Variants in SYT6 observed in about 807,000 individuals in gnomAD.
SYT6 encodes synaptotagmin-6.
SYT6 carries 24 observed loss-of-function variants against 38.4 expected under a neutral mutation model. The ratio of observed to expected loss-of-function variants is 0.62; its 90% CI spans 0.45 to 0.88. SYT6 has a LOEUF of 0.88. SYT6 is among the 40% of genes least tolerant of loss of function. The pLI is 0.00. For synonymous variants in SYT6, 265 were observed against 241.9 expected (o/e 1.10, Z -0.89); for missense variants, 611 against 621.0 (o/e 0.98, Z 0.17).
intron 1 of SYT6, among the ~76,000 whole-genome samples, chr1:114,140,252 G>A (rs1357373542): frequency 6.6e-6 from 1 of 151,654 alleles, no homozygotes; most frequent in Non-Finnish European, 1.5e-5. Context: ...GGAGCACCTG[G>A]GCTGTCCTCT....
chr1:114,140,871 A>G (rs1049403920), intron 1 of SYT6, among the ~76,000 whole-genome samples: 3 of 152,124 alleles, frequency 2.0e-5, no homozygotes, highest in Admixed American at 1.3e-4. Flanking sequence ...TTAAATTACT[A>G]TTATGGTTGT....
intron 3 of SYT6, 110 bp from the exon 4 acceptor site, chr1:114,103,831 C>T (rs776468639): frequency 5.3e-5 from 74 of 1,393,792 alleles, no homozygotes; most frequent in Non-Finnish European, 6.5e-5. Context: ...CTCTTGGAGA[C>T]ACTGTGCTGT....
chr1:114,152,817 G>C (rs1679515309), intron 1 of SYT6: 1 of 152,228 alleles, frequency 6.6e-6, no homozygotes, highest in Admixed American at 6.5e-5. Flanking sequence ...CTAGGCAGCC[G>C]CCTGGGGCTG....
At chr1:114,122,755 C>T (rs181398736) in intron 3 of SYT6, among the ~76,000 whole-genome samples, 2 of 152,322 alleles carry the variant, frequency 1.3e-5, no homozygotes, top group Non-Finnish European at 2.9e-5. Context: ...TCACTAAAAA[C>T]GCCCTTTCAG....
At chr1:114,097,986 C>G (rs763749406) in intron 5 of SYT6, 109 bp from the exon 6 acceptor site, 18 of 1,275,150 alleles carry the variant, frequency 1.4e-5, no homozygotes, top group Middle Eastern at 2.3e-4. Context: ...ACTCAGAACT[C>G]TGAGCTCTGA....
chr1:114,129,609 T>C lies in SYT6; in HGVS notation c.1071+7886A>G, dbSNP rs1259471929. Among the ~76,000 whole-genome samples the C allele has an allele frequency of 5.0e-5, 4 of 80,474 alleles. No individual in the cohort carries two copies. The East Asian group carries it at 1.4e-3, about 28-fold the overall frequency. The allele number at this position is 80,474 out of a possible 152,430, so 52.8% of individuals were successfully genotyped here. On this transcript the variant is annotated intron_variant, in intron 3 of 7. Coordinates refer to ENST00000610222, the MANE Select transcript of SYT6 (RefSeq NM_001253772.2). ...CTTTCTTTCTTTCTTTCTTTCTTTCTTTCTTTCCTTTCTTTCTTTCTTTCT... is the reference window on the plus strand; with the variant it reads ...CTTTCTTTCTTTCTTTCTTTCTTTCCTTCTTTCCTTTCTTTCTTTCTTTCT...
intron 3 of SYT6, among the ~76,000 whole-genome samples, chr1:114,127,155 G>A (rs1677792819): frequency 6.6e-6 from 1 of 152,180 alleles, no homozygotes; most frequent in Non-Finnish European, 1.5e-5. Context: ...TTAGCCCCCT[G>A]GAGCCAAGAA....
intron 3 of SYT6, among the ~76,000 whole-genome samples, chr1:114,129,535 TTTC>T (rs1223391262): frequency 1.5e-4 from 22 of 150,370 alleles, no homozygotes; most frequent in African/African-American, 4.8e-4. Flanking sequence ...TCTTTCTTTC[TTTC>T]TTTTTTTTCT....
In SYT6 at chr1:114,089,609, C is replaced by T. The variant is rs920341674; in HGVS notation, c.*2525G>A. On this transcript the variant is annotated 3_prime_UTR_variant, in exon 8 of 8. Coordinates refer to ENST00000610222, the MANE Select transcript of SYT6 (RefSeq NM_001253772.2). The stretch of plus-strand genomic sequence containing the variant: ...CAACAAATGGATCAACTTTGTATTT[C>T]ATTTTCTTCTTCTCTGTGAGGGAAG... 3 of 152,334 alleles carry T rather than the reference C, an allele frequency of 2.0e-5. No homozygotes were observed. Among genetic ancestry groups the T allele is most frequent in the African/African-American group, 7.2e-5 (3 of 41,450 alleles). 9.4% of individuals were successfully genotyped at this position (152,334 alleles called of 1,614,324 possible). A position where few individuals can be genotyped will look rare whatever the true frequency, so the allele number is the denominator to read the frequency against.
At chr1:114,093,265 A>C (rs142412422) in intron 7 of SYT6, among the ~76,000 whole-genome samples, 2 of 152,204 alleles carry the variant, frequency 1.3e-5, no homozygotes. Flanking sequence ...TGGGAAACCC[A>C]TGAAGTTCAG....
intron 4 of SYT6, among the ~76,000 whole-genome samples, chr1:114,101,984 G>A (rs922590296): frequency 6.6e-6 from 1 of 152,102 alleles, no homozygotes; most frequent in African/African-American, 2.4e-5. Context: ...CAAAAAGAGG[G>A]GCAATTGTGA....
At chr1:114,101,749 G>A (rs1675981296) in intron 4 of SYT6, among the ~76,000 whole-genome samples, 2 of 152,132 alleles carry the variant, frequency 1.3e-5, no homozygotes, top group African/African-American at 4.8e-5. Context: ...GAGGCTCCTA[G>A]CAAGTACACC....
intron 3 of SYT6, among the ~76,000 whole-genome samples, chr1:114,108,384 T>C (rs719662): frequency 3.3e-5 from 5 of 152,002 alleles, no homozygotes; most frequent in African/African-American, 1.2e-4. Flanking sequence ...GAGATCCTAT[T>C]TGTGGGCTGC....
intron 3 of SYT6, among the ~76,000 whole-genome samples, chr1:114,106,881 G>A (rs975405052): frequency 6.6e-6 from 1 of 152,146 alleles, no homozygotes; most frequent in Non-Finnish European, 1.5e-5. Flanking sequence ...TTTGGGACAG[G>A]GTCCTTGCCT....
rs1571888586 is a variant in SYT6, at chr1:114,137,852, G to A, written c.714C>T (p.Arg238=). ...TCAGGGTCTCGGTCTCGTAATCGTAGCGTAGGCTGAAGTTGATCTTCCCGC... is the reference window on the plus strand; with the variant it reads ...TCAGGGTCTCGGTCTCGTAATCGTAACGTAGGCTGAAGTTGATCTTCCCGC... The part of the protein sequence containing the change: ...KSCGKINFSL[R]YDYETETLIV... The change falls in exon 3 of 8, where the codon CGC becomes CGT. Residue 238 remains arginine (R), a synonymous_variant. Transcript: ENST00000610222. 1 of 1,614,098 alleles carries A rather than the reference G, an allele frequency of 6.2e-7. No homozygotes were observed. Among genetic ancestry groups the A allele is most frequent in the Non-Finnish European group, 8.5e-7 (1 of 1,180,022 alleles).
chr1:114,124,276 C>A (rs1169181345), intron 3 of SYT6, among the ~76,000 whole-genome samples: 1 of 152,204 alleles, frequency 6.6e-6, no homozygotes, highest in Non-Finnish European at 1.5e-5. Context: ...AGGGTCCCCA[C>A]TGCTCCTGGA....
intron 6 of SYT6, 103 bp downstream of exon 6, chr1:114,097,624 C>A (rs1675709915): frequency 6.9e-7 from 1 of 1,439,896 alleles, no homozygotes. Flanking sequence ...CCCTCATGCC[C>A]ACCTTTCCAC....
chr1:114,112,168 C>A (rs1221731273), intron 3 of SYT6, among the ~76,000 whole-genome samples: 2 of 152,312 alleles, frequency 1.3e-5, no homozygotes. Context: ...TATACGAACT[C>A]AGTATACTCC....
At chr1:114,123,012 T>C (rs1210040229) in intron 3 of SYT6, among the ~76,000 whole-genome samples, 4 of 152,208 alleles carry the variant, frequency 2.6e-5, no homozygotes, top group Admixed American at 2.0e-4. Context: ...CGCGAGGCAC[T>C]CTGAGCTTGG....
Sources: allele counts gnomAD v4.1 joint callset (sites outside exome capture counted in the v4.1 genomes callset), GRCh38; gene constraint gnomAD v4.1.1; transcripts MANE v1.5; gene names NCBI Gene and HGNC (gene_info 2026-07-23, HGNC 2026-07-21).